The following SSPN variants were observed in gnomAD, a reference collection of about 807,000 sequenced individuals.
The protein encoded by SSPN is sarcospan.
A neutral mutation model predicts 19.1 loss-of-function variants in SSPN; 15 were observed. That is an observed-to-expected ratio of 0.78 (90% confidence interval 0.52 to 1.21). The LOEUF is 1.21. SSPN is among the 50% of genes most tolerant of loss of function. SSPN has a pLI of 0.00. For synonymous variants in SSPN, 147 were observed against 140.3 expected, an observed-to-expected ratio of 1.05 and a Z score of -0.34; for missense variants, 291 against 314.0, an observed-to-expected ratio of 0.93 and a Z score of 0.55.
intron 1 of SSPN, among the ~76,000 whole-genome samples, chr12:26,135,343 G>T (rs926857538): frequency 6.6e-6 from 1 of 152,170 alleles, no homozygotes; most frequent in African/African-American, 2.4e-5. Context: ...CAGGATGTAG[G>T]AGTCAAGCCT....
intron 1 of SSPN, among the ~76,000 whole-genome samples, chr12:26,198,800 A>G (rs527556185): frequency 6.6e-6 from 1 of 152,156 alleles, no homozygotes; most frequent in African/African-American, 2.4e-5. Context: ...AACTTGGAGG[A>G]GAGTGGCCTC....
chr12:26,214,040 T>C (rs1040703745), intron 1 of SSPN, among the ~76,000 whole-genome samples: 2 of 152,188 alleles, frequency 1.3e-5, no homozygotes, highest in Non-Finnish European at 2.9e-5. Context: ...TATTTACATC[T>C]GTTATTCATT....
Position 26,231,820 on chromosome 12 carries a change from T to C in SSPN, c.*744T>C, listed in dbSNP as rs180871806. On this transcript the variant is annotated 3_prime_UTR_variant, in exon 3 of 3. Coordinates refer to ENST00000242729, the MANE Select transcript of SSPN (RefSeq NM_005086.5). ...AGGTTTAAAAATAATTACATTATGC[T>C]TCTATTCTATCATCTAAAACAAATC... The C allele has an allele frequency of 1.8e-3, 893 of 495,656 alleles. No individual in the cohort carries two copies. Among genetic ancestry groups the C allele is most frequent in the Non-Finnish European group, 2.2e-3 (829 of 382,620 alleles). 30.7% of individuals were successfully genotyped at this position (495,656 alleles called of 1,614,324 possible).
At chr12:26,142,233 A>G (rs2620703) in intron 1 of SSPN, among the ~76,000 whole-genome samples, 2,747 of 152,304 alleles carry the variant, frequency 0.018, 76 homozygotes, top group African/African-American at 0.063. Context: ...CCAGTTTTGC[A>G]TCGTAGAAAA....
At chr12:26,167,043 C>A (rs1007405518) in intron 1 of SSPN, among the ~76,000 whole-genome samples, 12 of 152,162 alleles carry the variant, frequency 7.9e-5, no homozygotes, top group Non-Finnish European at 1.6e-4. Flanking sequence ...TAACTAGCTA[C>A]CAATATTGAA....
rs556795321 is a variant in SSPN at position 26,226,232 on chromosome 12, G to T, written c.366+1853G>T. Among the ~76,000 whole-genome samples, 15 of 152,288 alleles carry T rather than the reference G, an allele frequency of 9.8e-5. No homozygotes were observed. In the South Asian group the frequency reaches 3.1e-3, roughly 32 times the overall value. On this transcript the variant is annotated intron_variant, in intron 2 of 2. Coordinates refer to ENST00000242729, the MANE Select transcript of SSPN (RefSeq NM_005086.5). ...CTCCAGATTTTCCAATGACACAACA[G>T]GGGACAGCTGACTTCCCTTATGCTT...
chr12:26,225,990 A>T (rs1945172200), intron 2 of SSPN, among the ~76,000 whole-genome samples: 2 of 149,652 alleles, frequency 1.3e-5, no homozygotes, highest in Non-Finnish European at 3.0e-5. Context: ...GAAAAAAAAT[A>T]GAAAAAAAAA....
intron 1 of SSPN, among the ~76,000 whole-genome samples, chr12:26,131,325 T>G (rs1328701103): frequency 6.6e-6 from 1 of 152,250 alleles, no homozygotes; most frequent in African/African-American, 2.4e-5. Context: ...GAGTTTGCTC[T>G]TCTTCCTGTA....
At chr12:26,177,827 C>A (rs1944693930) in intron 1 of SSPN, among the ~76,000 whole-genome samples, 1 of 152,158 alleles carries the variant, frequency 6.6e-6, no homozygotes, top group African/African-American at 2.4e-5. Context: ...ATGCACAGGA[C>A]CCTGCATGGC....
chr12:26,201,282 G>A (rs1302731289), intron 1 of SSPN, among the ~76,000 whole-genome samples: 5 of 151,202 alleles, frequency 3.3e-5, no homozygotes, highest in African/African-American at 9.7e-5. Context: ...GGAGGCTGAG[G>A]TGGGAGGATC....
At chr12:26,230,607 A>G (rs1006576275) in intron 2 of SSPN, 104 bp from the exon 3 acceptor site, 16 of 1,379,694 alleles carry the variant, frequency 1.2e-5, no homozygotes, top group Non-Finnish European at 1.5e-5. Flanking sequence ...TCCATCAGAA[A>G]ATTTCTGGGA....
At chr12:26,183,669 G>A (rs1490771257) in intron 1 of SSPN, among the ~76,000 whole-genome samples, 1 of 152,296 alleles carries the variant, frequency 6.6e-6, no homozygotes, top group South Asian at 2.1e-4. Context: ...TATGAAAGGG[G>A]CATTCAGAAT....
chr12:26,195,616 C>G lies in SSPN; in HGVS notation c.-57C>G. ...CAGGCCGAGCCAGCCGTGCGCCGCG[C>G]TCCAGGGCCCAGGGCGCCGCACACG... On this transcript the variant is annotated 5_prime_UTR_variant, in exon 1 of 3. Coordinates refer to ENST00000242729, the MANE Select transcript of SSPN (RefSeq NM_005086.5). 7.4e-7 allele frequency: 1 copy of G among 1,354,770 alleles called. No homozygotes were observed. Among genetic ancestry groups the G allele is most frequent in the Non-Finnish European group, 9.4e-7 (1 of 1,061,296 alleles). The allele number at this position is 1,354,770 out of a possible 1,614,324, so 83.9% of individuals were successfully genotyped here.
At chr12:26,206,484 A>G (rs1031898022) in intron 1 of SSPN, among the ~76,000 whole-genome samples, 1 of 152,148 alleles carries the variant, frequency 6.6e-6, no homozygotes, top group Non-Finnish European at 1.5e-5. Flanking sequence ...GTTTATATTT[A>G]TTGTACTATT....
chr12:26,194,880 A>T (rs1944812367), upstream of SSPN, among the ~76,000 whole-genome samples: 1 of 152,180 alleles, frequency 6.6e-6, no homozygotes, highest in African/African-American at 2.4e-5. Flanking sequence ...AGTCCCAGCC[A>T]CTTGGAGACT....
intron 1 of SSPN, among the ~76,000 whole-genome samples, chr12:26,220,453 CAT>C (rs1945108180): frequency 6.6e-6 from 1 of 152,160 alleles, no homozygotes; most frequent in South Asian, 2.1e-4. Flanking sequence ...TATGACATGA[CAT>C]AGAACTATAA....
intron 1 of SSPN, among the ~76,000 whole-genome samples, chr12:26,208,526 G>C (rs767064924): frequency 4.0e-5 from 6 of 151,560 alleles, no homozygotes; most frequent in Non-Finnish European, 7.4e-5. Flanking sequence ...TTTTCTGGTT[G>C]GTATCATATC....
rs1291391157 is a variant in SSPN, at chr12:26,158,636, T to G, written c.-31+36484T>G. ...TTGAAAACCAGAAGAGGCAGATGAG[T>G]CCTGGCTGGGGAAGGCTGGGTAGAG... is the stretch of plus-strand genomic sequence containing the variant. On this transcript the variant is annotated intron_variant, in intron 1 of 2. Transcript: ENST00000538142. Among the ~76,000 whole-genome samples the G allele has an allele frequency of 2.0e-5, 3 of 152,208 alleles. No homozygotes were observed. In the East Asian group the frequency reaches 5.8e-4, roughly 29 times the overall value.
intron 1 of SSPN, chr12:26,123,591 G>A (rs920835334): frequency 6.9e-7 from 1 of 1,448,914 alleles, no homozygotes; most frequent in Non-Finnish European, 9.7e-7. Context: ...GGGCTGCCCC[G>A]CTTCATCAGG....
Sources: allele counts gnomAD v4.1 joint callset (sites outside exome capture counted in the v4.1 genomes callset), GRCh38; gene constraint gnomAD v4.1.1; transcripts MANE v1.5; gene names NCBI Gene and HGNC (gene_info 2026-07-23, HGNC 2026-07-21).